DNAH12: variants seen among roughly 807,000 people sequenced by gnomAD.
DNAH12 encodes the protein dynein axonemal heavy chain 12.
Under a neutral mutation model 371.5 loss-of-function variants are expected in DNAH12, and 285 were observed. That is an observed-to-expected ratio of 0.77 (90% CI 0.70 to 0.85). The LOEUF (loss-of-function observed/expected upper bound fraction) is 0.85, where lower values mean the gene tolerates loss of function less well. Ranked by LOEUF, DNAH12 falls within the 40% of genes least tolerant of loss-of-function variation. DNAH12 has a pLI of 0.00. For missense variants in DNAH12, 3,611 were observed against 3,689.4 expected (o/e 0.98, Z 0.55); for synonymous variants, 1,200 against 1,213.0 (o/e 0.99, Z 0.22).
intron 22 of DNAH12, among the ~76,000 whole-genome samples, chr3:57,456,488 A>G (rs2065905560): frequency 6.6e-6 from 1 of 152,162 alleles, no homozygotes; most frequent in South Asian, 2.1e-4. Context: ...TTGGATTAAC[A>G]TAAGTGAGAT....
At chr3:57,388,410 C>T (rs1458993484) in intron 45 of DNAH12, among the ~76,000 whole-genome samples, 3 of 151,990 alleles carry the variant, frequency 2.0e-5, no homozygotes, top group Non-Finnish European at 2.9e-5. Flanking sequence ...CAATAATATG[C>T]TTATAATTTT....
At chr3:57,335,851 T>C (rs1316046407) in intron 60 of DNAH12, among the ~76,000 whole-genome samples, 3 of 152,168 alleles carry the variant, frequency 2.0e-5, no homozygotes, top group Non-Finnish European at 4.4e-5. Context: ...CTAAGAAATA[T>C]AAGTTATTGC....
rs760007037 is a variant in DNAH12 at position 57,501,384 on chromosome 3, C to G, written c.1272G>C (p.Gly424=). 1.9e-6 allele frequency: 3 copies of G among 1,591,854 alleles called. No homozygotes were observed. Among genetic ancestry groups the G allele is most frequent in the Middle Eastern group, 1.7e-4 (1 of 6,004 alleles). ...AAGTCTCTATATTCTCAACTGCAGT[C>G]CCATCAAGGAGCCAATTATATTTTT... is the stretch of plus-strand genomic sequence containing the variant. ...YVEKYNWLLD[G]TAVENIETFQ... is the part of the protein sequence containing the mutation. Residue 424 remains glycine (G), a synonymous_variant, in exon 11 of 74, where the codon GGG becomes GGC. Transcript: ENST00000495027.
At chr3:57,532,861 C>T (rs2068897964) in intron 2 of DNAH12, among the ~76,000 whole-genome samples, 1 of 152,158 alleles carries the variant, frequency 6.6e-6, no homozygotes, top group African/African-American at 2.4e-5. Context: ...CACTCAAAGC[C>T]GTAGGTCTCT....
intron 13 of DNAH12, among the ~76,000 whole-genome samples, chr3:57,481,580 C>A (rs1289534222): frequency 6.6e-6 from 1 of 152,100 alleles, no homozygotes. Flanking sequence ...CTTTGAAGTT[C>A]ATATGGAACC....
intron 11 of DNAH12, chr3:57,493,719 A>G (rs1051477766): frequency 3.9e-5 from 6 of 151,970 alleles, no homozygotes; most frequent in Non-Finnish European, 8.8e-5. Flanking sequence ...AGTCAATCAC[A>G]GATCAAACTG....
chr3:57,364,338 T>G (rs2063001181), intron 57 of DNAH12, among the ~76,000 whole-genome samples: 1 of 152,152 alleles, frequency 6.6e-6, no homozygotes, highest in East Asian at 1.9e-4. Flanking sequence ...ATTTAAATAT[T>G]GGAAGAAACA....
chr3:57,394,836 C>T (rs2063703049), intron 43 of DNAH12, among the ~76,000 whole-genome samples: 1 of 152,104 alleles, frequency 6.6e-6, no homozygotes, highest in African/African-American at 2.4e-5. Flanking sequence ...CCTCTAGACG[C>T]TTCAGTGTAG....
intron 40 of DNAH12, among the ~76,000 whole-genome samples, chr3:57,407,641 G>A (rs9311647): frequency 0.3 from 45,298 of 151,978 alleles, 9,457 homozygotes; most frequent in African/African-American, 0.59. Context: ...CATGACTGAC[G>A]TGCCTTTAAA....
At chr3:57,504,445 C>G (rs1315772949) in intron 8 of DNAH12, among the ~76,000 whole-genome samples, 3 of 152,074 alleles carry the variant, frequency 2.0e-5, no homozygotes, top group Non-Finnish European at 2.9e-5. Flanking sequence ...GTGTCTCACT[C>G]TGTTGCCCAG....
chr3:57,470,908 T>C (rs1168718958), intron 15 of DNAH12, among the ~76,000 whole-genome samples: 1 of 151,794 alleles, frequency 6.6e-6, no homozygotes, highest in African/African-American at 2.4e-5. Context: ...GGTTTTGCCA[T>C]GTTGGCTAGG....
rs2065147883 is a variant in DNAH12 at position 57,437,018 on chromosome 3, G to C, written c.4588C>G (p.Leu1530Val). 2.0e-6 allele frequency: 3 copies of C among 1,511,836 alleles called. No homozygotes were observed. Among genetic ancestry groups the C allele is most frequent in the East Asian group, 5.0e-5 (2 of 39,858 alleles). 93.7% of individuals were successfully genotyped at this position (1,511,836 alleles called of 1,614,324 possible). A position where few individuals can be genotyped will look rare whatever the true frequency, so the allele number is the denominator to read the frequency against. Residue 1530 changes from leucine to valine, a missense_variant, in exon 30 of 74, where the codon CTT becomes GTT. Leu to Val is a conservative substitution (Grantham distance 32, BLOSUM62 1). Around this residue, in one of 3 missense-constraint regions of DNAH12, gnomAD observed 2,266 missense variants for 2,236.9 expected, o/e 1.01. Coordinates refer to ENST00000495027, the MANE Select transcript of DNAH12 (RefSeq NM_001366028.2). ...TCAAGAAAAAATTTAACAGGCTGAAGATTATGTACATTGCAGGCTTCATGA... is the reference window on the plus strand; with the variant it reads ...TCAAGAAAAAATTTAACAGGCTGAACATTATGTACATTGCAGGCTTCATGA... ...CAHEACNVHNLQPVKFFLEKI... is the reference protein window; with the variant it reads ...CAHEACNVHNVQPVKFFLEKI...
chr3:57,510,923 C>A lies in DNAH12; in HGVS notation c.336G>T (p.Gln112His). 6.2e-7 allele frequency: 1 copy of A among 1,613,818 alleles called. No homozygotes were observed. Among genetic ancestry groups the A allele is most frequent in the South Asian group, 1.1e-5 (1 of 91,014 alleles). The change falls in exon 5 of 74, where the codon CAG (glutamine) becomes CAT (histidine). Residue 112 changes from glutamine to histidine, a missense_variant. By Grantham distance (24) the Gln-to-His change is conservative. Transcript: ENST00000495027. ...CVESSPLVPI[Q>H]QEWLDHMLRL... ...TTAACATGTGATCCAGCCATTCCTG[C>A]TGAATAGGTACTAAAGGACTACTTT...
At chr3:57,491,288 G>C (rs1457294204) in intron 11 of DNAH12, among the ~76,000 whole-genome samples, 4 of 151,908 alleles carry the variant, frequency 2.6e-5, no homozygotes, top group Non-Finnish European at 5.9e-5. Flanking sequence ...AACCATAAAG[G>C]AAAGCAAGAA....
Position 57,431,169 on chromosome 3 carries a change from G to T in DNAH12, c.4981-1395C>A, listed in dbSNP as rs558231470. 4.0e-5 allele frequency among the ~76,000 whole-genome samples: 6 copies of T among 150,278 alleles called. 1 individual carries two copies. In the South Asian group the frequency reaches 1.2e-3, roughly 31 times the overall value. ...AGGTAGGGTCAGCATTCTCCTCACT[G>T]CCCTGTGTTGTTTCCCAACTACTTC... On this transcript the variant is annotated intron_variant, in intron 32 of 73. Transcript: ENST00000495027.
At chr3:57,548,282 C>T (rs561649859), upstream of DNAH12, among the ~76,000 whole-genome samples, 102 of 152,248 alleles carry the variant, frequency 6.7e-4, no homozygotes, top group Non-Finnish European at 1.1e-3. Context: ...AAGCCTAATA[C>T]GTCTCTCTTA....
At chr3:57,499,359 G>A (rs551679122) in intron 11 of DNAH12, among the ~76,000 whole-genome samples, 1 of 151,896 alleles carries the variant, frequency 6.6e-6, no homozygotes, top group South Asian at 2.1e-4. Flanking sequence ...ACAGTTTATT[G>A]TATGTAAACT....
At chr3:57,414,252 C>T (rs759534475) in intron 38 of DNAH12, among the ~76,000 whole-genome samples, 3 of 152,152 alleles carry the variant, frequency 2.0e-5, no homozygotes, top group Non-Finnish European at 2.9e-5. Flanking sequence ...AATTGTTACA[C>T]ATGTATATTT....
At chr3:57,346,153 A>C (rs1185943311) in intron 60 of DNAH12, among the ~76,000 whole-genome samples, 1 of 152,154 alleles carries the variant, frequency 6.6e-6, no homozygotes, top group African/African-American at 2.4e-5. Flanking sequence ...ATTACTGTGG[A>C]ACCAAAAAAT....
Sources: gnomAD v4.1 joint callset for allele counts (sites outside exome capture counted in the v4.1 genomes callset) on GRCh38, gnomAD v4.1.1 for gene constraint, gnomAD v4.1.1 regional missense constraint, MANE v1.5 for transcripts, NCBI Gene and HGNC (gene_info 2026-07-23, HGNC 2026-07-21) for gene names.